The following GREM2 variants were observed in gnomAD, a reference collection of about 807,000 sequenced individuals.
The protein encoded by GREM2 is gremlin 2, DAN family BMP antagonist, also known as gremlin-2.
A neutral mutation model predicts 14.2 loss-of-function variants in GREM2; 11 were observed. The ratio of observed to expected loss-of-function variants is 0.78; its 90% CI spans 0.49 to 1.28. The LOEUF (loss-of-function observed/expected upper bound fraction) is 1.28. Ranked by LOEUF, GREM2 falls within the 50% of genes most tolerant of loss-of-function variation. The pLI is 0.00. For missense variants in GREM2, 210 were observed against 218.5 expected, an observed-to-expected ratio of 0.96 and a Z score of 0.24; for synonymous variants, 98 against 97.6, an observed-to-expected ratio of 1.00 and a Z score of -0.02.
intron 1 of GREM2, among the ~76,000 whole-genome samples, chr1:240,567,218 G>A (rs1480006769): frequency 6.6e-6 from 1 of 151,970 alleles, no homozygotes; most frequent in African/African-American, 2.4e-5. Context: ...ACTTCACGTG[G>A]TCTAATATAT....
At chr1:240,547,267 GA>G (rs1410116061) in intron 1 of GREM2, among the ~76,000 whole-genome samples, 1 of 151,926 alleles carries the variant, frequency 6.6e-6, no homozygotes, top group Non-Finnish European at 1.5e-5. Flanking sequence ...TTGGGAGGCC[GA>G]GGTGGGCGGA....
chr1:240,548,059 C>G (rs1478045385), intron 1 of GREM2, among the ~76,000 whole-genome samples: 2 of 149,932 alleles, frequency 1.3e-5, no homozygotes, highest in African/African-American at 4.9e-5. Flanking sequence ...CTCAGGAGTT[C>G]GAGACCAACC....
chr1:240,554,939 T>A (rs1678926055), intron 1 of GREM2, among the ~76,000 whole-genome samples: 1 of 151,940 alleles, frequency 6.6e-6, no homozygotes, highest in Non-Finnish European at 1.5e-5. Flanking sequence ...AGCTTAGGAG[T>A]TCGAGACCAG....
chr1:240,608,386 T>G (rs527790200), intron 1 of GREM2, among the ~76,000 whole-genome samples: 1 of 152,318 alleles, frequency 6.6e-6, no homozygotes, highest in South Asian at 2.1e-4. Flanking sequence ...AAGTACAATG[T>G]CACACATCCA....
intron 1 of GREM2, among the ~76,000 whole-genome samples, chr1:240,586,344 T>C (rs1679599001): frequency 6.6e-6 from 1 of 152,198 alleles, no homozygotes; most frequent in Admixed American, 6.5e-5. Flanking sequence ...TTTGACTTTC[T>C]CCTGATCACT....
chr1:240,590,731 G>GTTTGAGAA (rs1271226532), intron 1 of GREM2: 1 of 148,528 alleles, frequency 6.7e-6, no homozygotes, highest in Admixed American at 6.7e-5. Context: ...ACCCGGCCTT[G>GTTTGAGAA]TTTGAGAATT....
chr1:240,512,568 C>T (rs1488935864), intron 1 of GREM2, among the ~76,000 whole-genome samples: 2 of 43,850 alleles, frequency 4.6e-5, no homozygotes, highest in African/African-American at 2.3e-4. Context: ...TAATTTTAAC[C>T]ACTGAATGCA....
At chr1:240,506,079 A>G (rs2103283321) in intron 1 of GREM2, among the ~76,000 whole-genome samples, 1 of 152,322 alleles carries the variant, frequency 6.6e-6, no homozygotes, top group Admixed American at 6.5e-5. Context: ...ATTTAGAACT[A>G]AAAATGTTTG....
chr1:240,512,906 A>T (rs1221310839), intron 1 of GREM2, among the ~76,000 whole-genome samples: 1 of 152,180 alleles, frequency 6.6e-6, no homozygotes, highest in African/African-American at 2.4e-5. Context: ...AGGAGATGTA[A>T]ATTAATCATT....
At chr1:240,601,912 C>CAAAAAAAAAAAAAAAAAAAA (rs58182251) in intron 1 of GREM2, among the ~76,000 whole-genome samples, 1 of 96,410 alleles carries the variant, frequency 1.0e-5, no homozygotes. Flanking sequence ...GAATCCATCT[C>CAAAAAAAAAAAAAAAAAAAA]AAAAAAAAAA....
chr1:240,502,104 A>G (rs1475355504), intron 1 of GREM2, among the ~76,000 whole-genome samples: 2 of 152,158 alleles, frequency 1.3e-5, no homozygotes, highest in East Asian at 3.9e-4. Context: ...GAGAGCTAAA[A>G]TAGCAGACGT....
intron 1 of GREM2, among the ~76,000 whole-genome samples, chr1:240,586,196 A>G (rs999790841): frequency 2.0e-5 from 3 of 152,344 alleles, no homozygotes; most frequent in African/African-American, 7.2e-5. Context: ...TCATCTCCGG[A>G]GGATAGAGTT....
At chr1:240,507,423 TG>T (rs972477183) in intron 1 of GREM2, among the ~76,000 whole-genome samples, 1 of 152,036 alleles carries the variant, frequency 6.6e-6, no homozygotes, top group Non-Finnish European at 1.5e-5. Flanking sequence ...CTCCGCCTCC[TG>T]GGTTCAAGCG....
intron 1 of GREM2, among the ~76,000 whole-genome samples, chr1:240,504,669 T>G (rs996611628): frequency 1.3e-5 from 2 of 152,196 alleles, no homozygotes; most frequent in East Asian, 3.9e-4. Context: ...AAAAAGTAAA[T>G]GACTAATCAG....
chr1:240,574,636 G>C (rs1017093350), intron 1 of GREM2, among the ~76,000 whole-genome samples: 2 of 152,138 alleles, frequency 1.3e-5, no homozygotes, highest in East Asian at 3.9e-4. Context: ...GTAGGACCTG[G>C]AATTACTGGT....
chr1:240,500,809 G>A (rs1304370704), intron 1 of GREM2, among the ~76,000 whole-genome samples: 1 of 152,130 alleles, frequency 6.6e-6, no homozygotes, highest in Non-Finnish European at 1.5e-5. Flanking sequence ...GTGCTGAACT[G>A]AACATTTTGG....
intron 1 of GREM2, among the ~76,000 whole-genome samples, chr1:240,565,306 A>G (rs1679155275): frequency 6.6e-6 from 1 of 152,148 alleles, no homozygotes; most frequent in Non-Finnish European, 1.5e-5. Context: ...AAATGGTAAC[A>G]TCAAATTAGC....
At chr1:240,563,164 C>CGT (rs1003088567) in intron 1 of GREM2, among the ~76,000 whole-genome samples, 1 of 130,334 alleles carries the variant, frequency 7.7e-6, no homozygotes, top group Non-Finnish European at 1.6e-5. Flanking sequence ...TATGTGTGTA[C>CGT]GTGTGAGTGT....
chr1:240,592,928 G>C (rs1222906654), intron 1 of GREM2, among the ~76,000 whole-genome samples: 1 of 150,410 alleles, frequency 6.6e-6, no homozygotes, highest in Non-Finnish European at 1.5e-5. Context: ...GAGGACAGAA[G>C]TTCGAGACCA....
Sources: allele counts gnomAD v4.1 joint callset (sites outside exome capture counted in the v4.1 genomes callset), GRCh38; gene constraint gnomAD v4.1.1; transcripts MANE v1.5; gene names NCBI Gene and HGNC (gene_info 2026-07-23, HGNC 2026-07-21).